The following KATNIP variants were observed in gnomAD, a reference collection of about 807,000 sequenced individuals.
KATNIP encodes katanin-interacting protein.
A neutral mutation model predicts 174.0 loss-of-function variants in KATNIP; 126 were observed. The observed-to-expected ratio is 0.72, with a 90% confidence interval of 0.63 to 0.84. The LOEUF is 0.84. Among genes scored for constraint, KATNIP ranks in the 40% least tolerant of loss-of-function variants. The probability of loss-of-function intolerance (pLI) is 0.00; values close to 1 mark genes in which losing one functional copy is unlikely to be tolerated. For missense variants in KATNIP, 1,958 were observed against 2,109.7 expected (o/e 0.93, Z 1.41); for synonymous variants, 810 against 835.7 (o/e 0.97, Z 0.53).
intron 5 of KATNIP, among the ~76,000 whole-genome samples, chr16:27,633,271 G>T (rs1285394309): frequency 6.6e-6 from 1 of 152,032 alleles, no homozygotes; most frequent in Non-Finnish European, 1.5e-5. Context: ...CATTTAAATG[G>T]CCTAGGGAGG....
intron 15 of KATNIP, among the ~76,000 whole-genome samples, chr16:27,741,358 A>G (rs965610915): frequency 1.3e-5 from 2 of 152,010 alleles, no homozygotes; most frequent in African/African-American, 4.8e-5. Flanking sequence ...GGATCGCTTG[A>G]GCCAAGGAGG....
chr16:27,608,843 C>T (rs538921690), intron 2 of KATNIP, among the ~76,000 whole-genome samples: 9 of 152,290 alleles, frequency 5.9e-5, no homozygotes, highest in African/African-American at 1.4e-4. Context: ...AGGTCACTTG[C>T]GCCTCCTCAG....
chr16:27,689,156 C>T (rs2078627534), intron 8 of KATNIP, among the ~76,000 whole-genome samples: 1 of 152,226 alleles, frequency 6.6e-6, no homozygotes, highest in Non-Finnish European at 1.5e-5. Context: ...TAGATCATGC[C>T]TGTAATGCCA....
At chr16:27,551,911 A>C (rs770128662) in intron 1 of KATNIP, among the ~76,000 whole-genome samples, 1 of 151,962 alleles carries the variant, frequency 6.6e-6, no homozygotes, top group Non-Finnish European at 1.5e-5. Context: ...TAATAATCAT[A>C]ATAATAATTG....
At position 27,573,939 on chromosome 16, in the gene KATNIP, T is replaced by G. The variant is rs1454945220; in HGVS notation, c.46T>G (p.Ser16Ala). The change falls in exon 2 of 28, where the codon TCA (serine) becomes GCA (alanine). Residue 16 changes from serine (S) to alanine (A), a missense_variant. Transcript: ENST00000261588. Reference protein sequence around the residue: ...LRKAERSWSCSREKKEGYAKD... With the variant: ...LRKAERSWSCAREKKEGYAKD... ...AAAGGCCGAGAGAAGCTGGTCCTGCTCACGAGAGAAAAAGGAGGTAAATGT... is the reference window on the plus strand; with the variant it reads ...AAAGGCCGAGAGAAGCTGGTCCTGCGCACGAGAGAAAAAGGAGGTAAATGT... 8.1e-6 allele frequency: 13 copies of G among 1,614,028 alleles called. No individual in the cohort carries two copies. Among genetic ancestry groups the G allele is most frequent in the Admixed American group, 1.7e-5 (1 of 59,994 alleles).
chr16:27,570,889 G>A (rs986202164), intron 1 of KATNIP, among the ~76,000 whole-genome samples: 2 of 152,226 alleles, frequency 1.3e-5, no homozygotes, highest in African/African-American at 2.4e-5. Flanking sequence ...GAGGGACACG[G>A]AGTCTATTTT....
At chr16:27,718,836 A>G (rs977699047) in intron 13 of KATNIP, 5 of 152,096 alleles carry the variant, frequency 3.3e-5, no homozygotes, top group Non-Finnish European at 5.9e-5. Context: ...GTTCCCCCTT[A>G]ACAAAAGCCA....
chr16:27,771,942 G>T (rs531814650), intron 22 of KATNIP, among the ~76,000 whole-genome samples: 1 of 152,142 alleles, frequency 6.6e-6, no homozygotes, highest in Non-Finnish European at 1.5e-5. Context: ...ACTGGGGAAG[G>T]GGGGTGTCCT....
At chr16:27,690,180 TG>T (rs2142897082) in intron 8 of KATNIP, among the ~76,000 whole-genome samples, 1 of 152,054 alleles carries the variant, frequency 6.6e-6, no homozygotes, top group South Asian at 2.1e-4. Flanking sequence ...CTGGGTGATG[TG>T]GTGCATGCCT....
At chr16:27,631,014 G>C in intron 4 of KATNIP, 51 bp from the exon 5 acceptor site, 1 of 1,425,884 alleles carries the variant, frequency 7.0e-7, no homozygotes, top group East Asian at 2.5e-5. Flanking sequence ...CCAGTACTGT[G>C]AGCTTGTCAT....
chr16:27,612,951 AT>A (rs1254085923), intron 2 of KATNIP, among the ~76,000 whole-genome samples: 3 of 151,852 alleles, frequency 2.0e-5, no homozygotes, highest in African/African-American at 7.3e-5. Flanking sequence ...CTCAAAAAAA[AT>A]AAATAAATAA....
At chr16:27,646,818 C>T (rs1269761418) in intron 5 of KATNIP, among the ~76,000 whole-genome samples, 2 of 152,162 alleles carry the variant, frequency 1.3e-5, no homozygotes, top group East Asian at 1.9e-4. Context: ...TGGGAGCACT[C>T]GCCCTTGCTC....
chr16:27,649,543 T>C (rs2077059053), intron 6 of KATNIP, among the ~76,000 whole-genome samples: 1 of 152,108 alleles, frequency 6.6e-6, no homozygotes, highest in Admixed American at 6.6e-5. Context: ...CAGGCTGGAG[T>C]GCATTGGTAC....
chr16:27,654,432 GGT>G (rs2077205291), intron 6 of KATNIP, among the ~76,000 whole-genome samples: 1 of 152,204 alleles, frequency 6.6e-6, no homozygotes, highest in Non-Finnish European at 1.5e-5. Context: ...TGCCAGCAAT[GGT>G]GTTGATGTAG....
At chr16:27,662,107 T>C (rs1350361801) in intron 6 of KATNIP, among the ~76,000 whole-genome samples, 2 of 131,112 alleles carry the variant, frequency 1.5e-5, no homozygotes, top group Admixed American at 8.2e-5. Context: ...TATATATATA[T>C]ATATATAGTA....
intron 1 of KATNIP, among the ~76,000 whole-genome samples, chr16:27,572,189 G>C (rs1322665521): frequency 6.6e-6 from 1 of 152,010 alleles, no homozygotes; most frequent in African/African-American, 2.4e-5. Flanking sequence ...GCCAAGTGGG[G>C]TGGATCACAT....
chr16:27,551,862 CAAT>C (rs907231975), intron 1 of KATNIP, among the ~76,000 whole-genome samples: 6 of 151,220 alleles, frequency 4.0e-5, no homozygotes, highest in Non-Finnish European at 8.8e-5. Context: ...CAAAAAAACC[CAAT>C]AATAATAATA....
rs907442562 is a variant in KATNIP at position 27,779,894 on chromosome 16, G to A, written c.*1265G>A. The A allele has an allele frequency of 3.3e-5, 5 of 152,190 alleles. No homozygotes were observed. The highest frequency in any genetic ancestry group is 6.5e-5 in the Admixed American group (1 of 15,272). 9.4% of individuals were successfully genotyped at this position (152,190 alleles called of 1,614,324 possible). A position where few individuals can be genotyped will look rare whatever the true frequency, so the allele number is the denominator to read the frequency against. On this transcript the variant is annotated 3_prime_UTR_variant, in exon 28 of 28. Coordinates refer to ENST00000261588, the MANE Select transcript of KATNIP (RefSeq NM_015202.5). ...ACGTTCCTATGCAACCGAGAGCCCC[G>A]GCAAATACTTCATGAGCTTAGCAGC...
Position 27,624,025 on chromosome 16 carries a change from G to A in KATNIP, c.141-4636G>A, listed in dbSNP as rs552839155. Among the ~76,000 whole-genome samples the A allele has an allele frequency of 2.0e-5, 3 of 152,250 alleles. No homozygotes were observed. In the South Asian group the frequency reaches 6.2e-4, roughly 32 times the overall value. On this transcript the variant is annotated intron_variant, in intron 3 of 27. Coordinates refer to ENST00000261588, the MANE Select transcript of KATNIP (RefSeq NM_015202.5). Reference sequence around the variant, plus strand: ...AGACTAAAGATGCCGGCACCTCCCTGGGCTGCCATGAGGACAAAAGGATAG... The same window carrying A: ...AGACTAAAGATGCCGGCACCTCCCTAGGCTGCCATGAGGACAAAAGGATAG...
Sources: allele counts gnomAD v4.1 joint callset (sites outside exome capture counted in the v4.1 genomes callset), GRCh38; gene constraint gnomAD v4.1.1; transcripts MANE v1.5; gene names NCBI Gene and HGNC (gene_info 2026-07-23, HGNC 2026-07-21).